CRIM1: variants seen among roughly 807,000 people sequenced by gnomAD.
The protein encoded by CRIM1 is cysteine rich transmembrane BMP regulator 1.
Under a neutral mutation model 116.4 loss-of-function variants are expected in CRIM1, and 32 were observed. The observed-to-expected ratio is 0.27, with a 90% confidence interval of 0.21 to 0.37. The LOEUF is 0.37. Ranked by LOEUF, CRIM1 falls within the 10% of genes least tolerant of loss-of-function variation. The pLI, the probability that CRIM1 is intolerant of heterozygous loss-of-function variation, is 1.00. For missense variants in CRIM1, 1,331 were observed against 1,354.8 expected (o/e 0.98, Z 0.28); for synonymous variants, 590 against 509.2 (o/e 1.16, Z -2.13).
intron 2 of CRIM1, among the ~76,000 whole-genome samples, chr2:36,410,291 G>A (rs371491562): frequency 2.2e-4 from 34 of 152,012 alleles, no homozygotes; most frequent in African/African-American, 7.5e-4. Flanking sequence ...TTCCCGAAAA[G>A]CAAATGAAGT....
chr2:36,475,461 A>G (rs1016723099), intron 5 of CRIM1, among the ~76,000 whole-genome samples: 6 of 152,228 alleles, frequency 3.9e-5, no homozygotes, highest in African/African-American at 1.4e-4. Flanking sequence ...TTGTTTATAC[A>G]TTCTGATAGT....
At chr2:36,508,407 T>G (rs1681579623) in intron 8 of CRIM1, among the ~76,000 whole-genome samples, 1 of 152,236 alleles carries the variant, frequency 6.6e-6, no homozygotes, top group South Asian at 2.1e-4. Context: ...GTTTTAATTT[T>G]AGATTATAAT....
At chr2:36,435,673 C>T (rs993903982) in intron 2 of CRIM1, among the ~76,000 whole-genome samples, 4 of 152,008 alleles carry the variant, frequency 2.6e-5, no homozygotes, top group Admixed American at 2.6e-4. Context: ...TTTGCACCAA[C>T]CTATACTTCC....
At chr2:36,406,129 C>A (rs1672773698) in intron 2 of CRIM1, among the ~76,000 whole-genome samples, 1 of 152,078 alleles carries the variant, frequency 6.6e-6, no homozygotes, top group Non-Finnish European at 1.5e-5. Context: ...ATCATTAATT[C>A]ACAAAATCAG....
intron 7 of CRIM1, among the ~76,000 whole-genome samples, chr2:36,491,659 T>G (rs1321891511): frequency 6.6e-6 from 1 of 152,206 alleles, no homozygotes; most frequent in Non-Finnish European, 1.5e-5. Context: ...GCTGAGGTTA[T>G]AAACAATGAA....
chr2:36,387,532 T>A (rs1671255979), intron 1 of CRIM1, among the ~76,000 whole-genome samples: 2 of 152,196 alleles, frequency 1.3e-5, no homozygotes, highest in Non-Finnish European at 2.9e-5. Flanking sequence ...GAGATTTTCC[T>A]TGGAAACTAT....
intron 1 of CRIM1, among the ~76,000 whole-genome samples, chr2:36,370,681 G>A (rs763012405): frequency 6.6e-6 from 1 of 151,752 alleles, no homozygotes; most frequent in Non-Finnish European, 1.5e-5. Context: ...AAATGCTTGA[G>A]TGATAATATT....
At chr2:36,544,818 G>A (rs369745838) in intron 15 of CRIM1, among the ~76,000 whole-genome samples, 3 of 152,144 alleles carry the variant, frequency 2.0e-5, no homozygotes, top group Admixed American at 6.5e-5. Context: ...TCTCTCAAAC[G>A]TATGTATATA....
At chr2:36,475,443 T>C (rs1046321322) in intron 5 of CRIM1, among the ~76,000 whole-genome samples, 13 of 152,256 alleles carry the variant, frequency 8.5e-5, no homozygotes, top group African/African-American at 3.1e-4. Context: ...TCTGCAACCT[T>C]GTTGAACTTG....
chr2:36,475,915 T>A (rs931817390), intron 5 of CRIM1, among the ~76,000 whole-genome samples: 1 of 152,220 alleles, frequency 6.6e-6, no homozygotes, highest in African/African-American at 2.4e-5. Flanking sequence ...CTTGCATTCT[T>A]GGAATAAGTC....
At chr2:36,545,585 T>C (rs1015610288) in intron 15 of CRIM1, among the ~76,000 whole-genome samples, 24 of 152,146 alleles carry the variant, frequency 1.6e-4, no homozygotes, top group African/African-American at 5.6e-4. Flanking sequence ...CTAAAAGACA[T>C]TGTGAATCGT....
intron 2 of CRIM1, among the ~76,000 whole-genome samples, chr2:36,432,029 GT>G (rs1674934806): frequency 6.6e-6 from 1 of 152,164 alleles, no homozygotes; most frequent in South Asian, 2.1e-4. Context: ...AATTTCTAAT[GT>G]TTATGCCTCT....
At chr2:36,541,260 G>A (rs548029862) in intron 14 of CRIM1, among the ~76,000 whole-genome samples, 2 of 152,184 alleles carry the variant, frequency 1.3e-5, no homozygotes, top group Admixed American at 6.5e-5. Flanking sequence ...AAATGATGGT[G>A]TGGGAGCACT....
intron 2 of CRIM1, among the ~76,000 whole-genome samples, chr2:36,417,039 C>T (rs1673671941): frequency 6.6e-6 from 1 of 152,188 alleles, no homozygotes. Context: ...AGGTAACAGA[C>T]GTGGCACCGT....
intron 5 of CRIM1, among the ~76,000 whole-genome samples, chr2:36,465,580 G>A (rs2125010475): frequency 6.6e-6 from 1 of 152,300 alleles, no homozygotes; most frequent in Non-Finnish European, 1.5e-5. Flanking sequence ...TTGCAGTTGA[G>A]TCCTATTTGG....
chr2:36,421,068 T>C (rs1048493991), intron 2 of CRIM1, among the ~76,000 whole-genome samples: 3 of 152,226 alleles, frequency 2.0e-5, no homozygotes, highest in Non-Finnish European at 4.4e-5. Flanking sequence ...ACTAGTGTTT[T>C]CATACAGTCT....
chr2:36,380,522 G>A (rs1252390660), intron 1 of CRIM1, among the ~76,000 whole-genome samples: 2 of 152,142 alleles, frequency 1.3e-5, no homozygotes, highest in Non-Finnish European at 2.9e-5. Flanking sequence ...GCCCTTGAGA[G>A]GCCAGATCCT....
chr2:36,364,555 A>G (rs1669462873), intron 1 of CRIM1, among the ~76,000 whole-genome samples: 1 of 152,204 alleles, frequency 6.6e-6, no homozygotes, highest in South Asian at 2.1e-4. Context: ...GGATGCAGCA[A>G]CAAGAAAGAC....
chr2:36,455,028 G>T (rs542041977), intron 4 of CRIM1, among the ~76,000 whole-genome samples: 3 of 152,152 alleles, frequency 2.0e-5, no homozygotes, highest in Admixed American at 6.5e-5. Context: ...GGTTCAGGCC[G>T]CAGAGAAAAG....
Sources: gnomAD v4.1 joint callset for allele counts (sites outside exome capture counted in the v4.1 genomes callset) on GRCh38, gnomAD v4.1.1 for gene constraint, MANE v1.5 for transcripts, NCBI Gene and HGNC (gene_info 2026-07-23, HGNC 2026-07-21) for gene names.